Variants in SPATS2 observed in about 807,000 individuals in gnomAD.
The protein encoded by SPATS2 is spermatogenesis-associated serine-rich protein 2.
Under a neutral mutation model 63.7 loss-of-function variants are expected in SPATS2, and 38 were observed. The observed-to-expected ratio is 0.60, with a 90% CI of 0.46 to 0.78. The LOEUF is 0.78. SPATS2 is among the 30% of genes least tolerant of loss of function. The probability of loss-of-function intolerance (pLI) is 0.00; values close to 1 mark genes in which losing one functional copy is unlikely to be tolerated. For synonymous variants in SPATS2, 207 were observed against 232.9 expected (o/e 0.89, Z 1.01); for missense variants, 588 against 666.2 (o/e 0.88, Z 1.29).
intron 7 of SPATS2, among the ~76,000 whole-genome samples, chr12:49,495,377 T>C (rs1322090042): frequency 2.3e-4 from 35 of 152,084 alleles, no homozygotes; most frequent in Admixed American, 2.2e-3. Context: ...GTATTTTTTT[T>C]TAGTAGAGAT....
chr12:49,467,630 T>G (rs1220570720), intron 3 of SPATS2, among the ~76,000 whole-genome samples: 1 of 152,250 alleles, frequency 6.6e-6, no homozygotes, highest in African/African-American at 2.4e-5. Context: ...TCTGACTATA[T>G]ATCAGAATCA....
chr12:49,524,693 A>G lies in SPATS2; in HGVS notation c.1123A>G (p.Lys375Glu), dbSNP rs1947002112. 6.2e-7 allele frequency: 1 copy of G among 1,614,066 alleles called. No individual in the cohort carries two copies. The highest frequency in any genetic ancestry group is 8.5e-7 in the Non-Finnish European group (1 of 1,180,042). ...IDSFGQVSHPKNSYSTRSRCS... is the reference protein window; with the variant it reads ...IDSFGQVSHPENSYSTRSRCS... ...TATTTCTGTTTCAGTGTCTCATCCA[A>G]AGAACAGCTATTCGACCAGATCCCG... The change falls in exon 13 of 14, where the codon AAG becomes GAG. Residue 375 changes from lysine to glutamate, a missense_variant. Transcript: ENST00000552918.
At chr12:49,392,982 G>T (rs188908943) in intron 2 of SPATS2, among the ~76,000 whole-genome samples, 1 of 152,258 alleles carries the variant, frequency 6.6e-6, no homozygotes, top group African/African-American at 2.4e-5. Flanking sequence ...AACCCAGGGG[G>T]CGGAGGTTGT....
At chr12:49,472,562 A>G (rs2137760693) in intron 3 of SPATS2, among the ~76,000 whole-genome samples, 1 of 149,906 alleles carries the variant, frequency 6.7e-6, no homozygotes, top group Admixed American at 6.6e-5. Context: ...ACTGGGCAAG[A>G]ATAGGCATGT....
At chr12:49,448,217 A>G (rs777572089) in intron 2 of SPATS2, among the ~76,000 whole-genome samples, 1 of 148,780 alleles carries the variant, frequency 6.7e-6, no homozygotes, top group Non-Finnish European at 1.5e-5. Context: ...GGCTCACTGC[A>G]AGCTCTGCCT....
At chr12:49,492,793 A>T (rs1420719069) in intron 6 of SPATS2, among the ~76,000 whole-genome samples, 1 of 152,132 alleles carries the variant, frequency 6.6e-6, no homozygotes, top group Non-Finnish European at 1.5e-5. Flanking sequence ...ACATGGGGGA[A>T]AGTAAGAAAA....
intron 3 of SPATS2, among the ~76,000 whole-genome samples, chr12:49,484,129 G>A (rs1366126502): frequency 1.3e-5 from 2 of 152,192 alleles, no homozygotes; most frequent in Non-Finnish European, 2.9e-5. Flanking sequence ...ACACATGAAT[G>A]TATTCACGGG....
intron 1 of SPATS2, among the ~76,000 whole-genome samples, chr12:49,369,378 T>A (rs561967578): frequency 1.3e-5 from 2 of 152,200 alleles, no homozygotes; most frequent in African/African-American, 4.8e-5. Flanking sequence ...GGTGCTAAGA[T>A]TTTTTTGTAT....
chr12:49,506,444 T>G (rs1946655747), intron 9 of SPATS2, among the ~76,000 whole-genome samples: 1 of 152,184 alleles, frequency 6.6e-6, no homozygotes, highest in Non-Finnish European at 1.5e-5. Context: ...AAGGGAACTC[T>G]CATTTATAAA....
intron 2 of SPATS2, among the ~76,000 whole-genome samples, chr12:49,411,939 C>A (rs551066526): frequency 6.6e-6 from 1 of 152,136 alleles, no homozygotes; most frequent in South Asian, 2.1e-4. Flanking sequence ...CCATTTTTTT[C>A]TTCTAAGAGA....
intron 2 of SPATS2, among the ~76,000 whole-genome samples, chr12:49,424,605 T>C (rs1945040107): frequency 6.6e-6 from 1 of 152,210 alleles, no homozygotes; most frequent in South Asian, 2.1e-4. Context: ...TCTTATATAG[T>C]GTTTACTGTT....
intron 2 of SPATS2, among the ~76,000 whole-genome samples, chr12:49,451,334 C>T (rs967531173): frequency 1.3e-5 from 2 of 151,972 alleles, no homozygotes; most frequent in African/African-American, 2.4e-5. Context: ...CTTGTCTGGT[C>T]ATTATAATAA....
chr12:49,473,142 T>A (rs1016929823), intron 3 of SPATS2, among the ~76,000 whole-genome samples: 1 of 151,418 alleles, frequency 6.6e-6, no homozygotes, highest in Non-Finnish European at 1.5e-5. Flanking sequence ...TGGCTGGGCA[T>A]GGTGGCTCAT....
At chr12:49,385,293 CAAAA>C (rs1409421717) in intron 2 of SPATS2, among the ~76,000 whole-genome samples, 1 of 139,918 alleles carries the variant, frequency 7.1e-6, no homozygotes, top group Non-Finnish European at 1.5e-5. Flanking sequence ...AAAAAAAAAA[CAAAA>C]ACCATGAAAA....
At chr12:49,404,470 G>T (rs558625645) in intron 2 of SPATS2, among the ~76,000 whole-genome samples, 42 of 152,006 alleles carry the variant, frequency 2.8e-4, no homozygotes, top group Middle Eastern at 6.8e-3. Flanking sequence ...GTAAAGACTG[G>T]GTCTTGCTAT....
At chr12:49,427,936 AT>A (rs201658886) in intron 2 of SPATS2, among the ~76,000 whole-genome samples, 6 of 148,464 alleles carry the variant, frequency 4.0e-5, no homozygotes, top group Admixed American at 1.3e-4. Context: ...TTTTTCTTTC[AT>A]TTTTTTTTTC....
At chr12:49,462,275 G>A (rs374927882) in intron 3 of SPATS2, 86 of 702,186 alleles carry the variant, frequency 1.2e-4, no homozygotes, top group South Asian at 1.1e-3. Context: ...CTCCTCACAG[G>A]AAGGAGAGCG....
At chr12:49,521,464 C>T (rs1946940406) in intron 11 of SPATS2, among the ~76,000 whole-genome samples, 1 of 151,838 alleles carries the variant, frequency 6.6e-6, no homozygotes, top group Admixed American at 6.6e-5. Flanking sequence ...ATAGAAAGGC[C>T]TCCTCACATT....
chr12:49,488,565 C>T (rs1946333701), intron 4 of SPATS2, among the ~76,000 whole-genome samples: 2 of 151,778 alleles, frequency 1.3e-5, no homozygotes, highest in South Asian at 2.1e-4. Flanking sequence ...GGCTGGGGCA[C>T]GAGAATCGCT....
Sources: allele counts gnomAD v4.1 joint callset (sites outside exome capture counted in the v4.1 genomes callset), GRCh38; gene constraint gnomAD v4.1.1; transcripts MANE v1.5; gene names NCBI Gene and HGNC (gene_info 2026-07-23, HGNC 2026-07-21).